The following SUPT6H variants were observed in gnomAD, a reference collection of about 807,000 sequenced individuals.
SUPT6H encodes the protein transcription elongation factor SPT6.
In SUPT6H, 11 loss-of-function variants were observed where a neutral mutation model predicts 222.3. The ratio of observed to expected loss-of-function variants is 0.05; its 90% CI spans 0.03 to 0.08. The LOEUF (loss-of-function observed/expected upper bound fraction) is 0.08, where lower values mean the gene tolerates loss of function less well. SUPT6H is among the 10% of genes least tolerant of loss of function. The pLI is 1.00. For synonymous variants in SUPT6H, 762 were observed against 801.2 expected (o/e 0.95, Z 0.83); for missense variants, 1,422 against 2,216.0 (o/e 0.64, Z 7.19).
chr17:28,677,805 A>T lies in SUPT6H; in HGVS notation c.988A>T (p.Ile330Phe). The T allele has an allele frequency of 6.2e-7, 1 of 1,614,022 alleles. No individual in the cohort carries two copies. The highest frequency in any genetic ancestry group is 2.2e-5 in the East Asian group (1 of 44,880). The change falls in exon 8 of 37, where the codon ATT becomes TTT. Residue 330 changes from isoleucine (I) to phenylalanine (F), a missense_variant. This residue lies in a region of SUPT6H where 389 missense variants were observed against 544.6 expected (regional missense o/e 0.71). Transcript: ENST00000314616. ...IYRNAFATPTISLQESCDYLD... is the reference protein window; with the variant it reads ...IYRNAFATPTFSLQESCDYLD... ...CAGGAATGCTTTTGCCACACCAACC[A>T]TTTCTCTCCAGGTACACAAAAAAGA...
intron 13 of SUPT6H, 59 bp downstream of exon 13, chr17:28,682,039 GA>G: frequency 4.3e-6 from 6 of 1,398,040 alleles, no homozygotes; most frequent in African/African-American, 1.4e-5. Context: ...GAGTTACCCA[GA>G]AAAAAGACTG....
At chr17:28,665,602 A>G (rs2029964981) in intron 1 of SUPT6H, among the ~76,000 whole-genome samples, 1 of 152,114 alleles carries the variant, frequency 6.6e-6, no homozygotes, top group Admixed American at 6.6e-5. Context: ...TGTTAAAGAT[A>G]CAAAGAAAAA....
At chr17:28,671,939 C>T (rs905127419) in intron 1 of SUPT6H, among the ~76,000 whole-genome samples, 1 of 152,204 alleles carries the variant, frequency 6.6e-6, no homozygotes, top group African/African-American at 2.4e-5. Flanking sequence ...TTGATTTCTA[C>T]TCTTGAGCCC....
At chr17:28,680,956 A>T (rs1406993911) in intron 11 of SUPT6H, among the ~76,000 whole-genome samples, 5 of 152,164 alleles carry the variant, frequency 3.3e-5, no homozygotes, top group Non-Finnish European at 7.3e-5. Context: ...ATGTGTCTTT[A>T]AAAAAGAAAA....
intron 7 of SUPT6H, among the ~76,000 whole-genome samples, chr17:28,676,696 G>T (rs1256390527): frequency 1.3e-5 from 2 of 152,194 alleles, no homozygotes; most frequent in Non-Finnish European, 2.9e-5. Flanking sequence ...GGAGGCCAGG[G>T]TGGCAGATTG....
chr17:28,700,738 A>G, intron 35 of SUPT6H: 1 of 926,384 alleles, frequency 1.1e-6, no homozygotes, highest in East Asian at 2.5e-5. Flanking sequence ...AAGCCACCAG[A>G]AAGTTGACAT....
intron 1 of SUPT6H, among the ~76,000 whole-genome samples, chr17:28,663,187 A>G (rs144929701): frequency 5.9e-5 from 9 of 152,312 alleles, no homozygotes; most frequent in South Asian, 4.1e-4. Flanking sequence ...ATTTCTTCGG[A>G]AAAATGTCTG....
In SUPT6H at chr17:28,693,688, C is replaced by T. The variant is rs542163992; in HGVS notation, c.3634-8C>T. On this transcript the variant is annotated splice_region_variant and splice_polypyrimidine_tract_variant and intron_variant, in intron 27 of 36. Coordinates refer to ENST00000314616, the MANE Select transcript of SUPT6H (RefSeq NM_003170.5). ...ATAATCAAGCTCTTCTCCTCATGCC[C>T]TCTTCAGGTGTGGAACCACTTTGAC... 1.4e-5 allele frequency: 22 copies of T among 1,614,194 alleles called. No individual in the cohort carries two copies. Among genetic ancestry groups the T allele is most frequent in the African/African-American group, 1.1e-4 (8 of 75,066 alleles).
rs1455336550 is a variant in SUPT6H at position 28,697,084 on chromosome 17, T to TGA, written c.4209+6_4209+7dup. ...GCCACTCTGTGGATCAACAGTGAGG[T>TGA]GAGAGCCAGTGCCTGCCCACCTCCC... is the stretch of plus-strand genomic sequence containing the variant. On this transcript the variant is annotated splice_region_variant and intron_variant, in intron 30 of 36. Coordinates refer to ENST00000314616, the MANE Select transcript of SUPT6H (RefSeq NM_003170.5). 2 of 1,612,912 alleles carry TGA rather than the reference T, an allele frequency of 1.2e-6. No individual in the cohort carries two copies. The highest frequency in any genetic ancestry group is 3.3e-5 in the Admixed American group (2 of 59,954).
At chr17:28,667,166 C>G (rs2030075989) in intron 1 of SUPT6H, among the ~76,000 whole-genome samples, 1 of 148,502 alleles carries the variant, frequency 6.7e-6, no homozygotes, top group Admixed American at 6.8e-5. Context: ...GAGATTGAGA[C>G]TATCCTGGCT....
At chr17:28,696,034 C>A (rs145576704) in intron 29 of SUPT6H, among the ~76,000 whole-genome samples, 1 of 152,082 alleles carries the variant, frequency 6.6e-6, no homozygotes, top group Non-Finnish European at 1.5e-5. Flanking sequence ...GAGCCAGGTG[C>A]GGTGGCTCAT....
At chr17:28,682,034 A>G (rs2031138500) in intron 13 of SUPT6H, 54 bp downstream of exon 13, 1 of 1,469,124 alleles carries the variant, frequency 6.8e-7, no homozygotes, top group African/African-American at 1.4e-5. Flanking sequence ...AAGGGGAGTT[A>G]CCCAGAAAAA....
At chr17:28,679,105 C>T (rs897289549) in intron 11 of SUPT6H, 142 bp downstream of exon 11, 80 of 1,107,594 alleles carry the variant, frequency 7.2e-5, no homozygotes, top group Non-Finnish European at 9.9e-5. Context: ...GGCACAGTGG[C>T]TCATGCCTGT....
rs1597691450 is a variant in SUPT6H, at chr17:28,674,152, A to G, written c.110-131A>G. The G allele has an allele frequency of 5.5e-6, 6 of 1,084,140 alleles. No individual in the cohort carries two copies. In the East Asian group the frequency reaches 1.3e-4, roughly 23 times the overall value. The allele number at this position is 1,084,140 out of a possible 1,614,324, so 67.2% of individuals were successfully genotyped here. On this transcript the variant is annotated intron_variant, in intron 2 of 36. Transcript: ENST00000314616. ...CAATGGCTATGTTTTGCATCTTTACATGAGGCAGAAGAGTTAACATGGCAC... is the reference window on the plus strand; with the variant it reads ...CAATGGCTATGTTTTGCATCTTTACGTGAGGCAGAAGAGTTAACATGGCAC...
At chr17:28,675,190 T>C (rs1301027604) in intron 5 of SUPT6H, 28 bp downstream of exon 5, 1 of 1,584,962 alleles carries the variant, frequency 6.3e-7, no homozygotes, top group Non-Finnish European at 8.6e-7. Flanking sequence ...GGGAAGCCAG[T>C]GTTTGGATGG....
chr17:28,672,453 G>A (rs1597689334), intron 1 of SUPT6H, among the ~76,000 whole-genome samples: 2 of 148,814 alleles, frequency 1.3e-5, no homozygotes, highest in Admixed American at 1.3e-4. Flanking sequence ...TGCTCTTGTT[G>A]CCCAGGCTGG....
chr17:28,667,856 G>T (rs1224159193), intron 1 of SUPT6H, among the ~76,000 whole-genome samples: 2 of 151,332 alleles, frequency 1.3e-5, no homozygotes, highest in African/African-American at 4.9e-5. Flanking sequence ...GGGGTAGGAA[G>T]CATATTTTAC....
At chr17:28,690,612 TA>T (rs1320101309) in intron 26 of SUPT6H, among the ~76,000 whole-genome samples, 2 of 151,922 alleles carry the variant, frequency 1.3e-5, no homozygotes, top group African/African-American at 4.8e-5. Context: ...CCATCTCCAC[TA>T]AAAATAAAAA....
intron 29 of SUPT6H, among the ~76,000 whole-genome samples, 164 bp from the exon 30 acceptor site, chr17:28,696,677 CAGG>C (rs764230447): frequency 9.2e-5 from 14 of 151,602 alleles, no homozygotes; most frequent in Admixed American, 3.3e-4. Flanking sequence ...CGCTTGAGCC[CAGG>C]AGTTCGAGGC....
Sources: allele counts gnomAD v4.1 joint callset (sites outside exome capture counted in the v4.1 genomes callset), GRCh38; gene constraint gnomAD v4.1.1; regional missense constraint gnomAD v4.1.1; transcripts MANE v1.5; gene names NCBI Gene and HGNC (gene_info 2026-07-23, HGNC 2026-07-21).